The following CT55 variants were observed in gnomAD, a reference collection of about 807,000 sequenced individuals.
The protein encoded by CT55 is BRCA2-interacting protein.
CT55 carries 1 observed loss-of-function variant against 12.6 expected under a neutral mutation model. The observed-to-expected ratio is 0.08, with a 90% CI of 0.03 to 0.38. The LOEUF is 0.38. CT55 is among the 10% of genes least tolerant of loss of function. CT55 has a pLI of 0.99. For synonymous variants in CT55, 43 were observed against 49.7 expected (o/e 0.87, Z 0.57); for missense variants, 109 against 135.4 (o/e 0.80, Z 0.97).
intron 1 of CT55, 28 bp downstream of exon 1, chrX:135,171,050 G>A: frequency 1.7e-6 from 2 of 1,206,259 alleles, no homozygotes; most frequent in Non-Finnish European, 2.2e-6. Context: ...TTCTGGGGTG[G>A]GGGACAAGGG....
At chrX:135,166,040 A>G (rs1310395560) in intron 2 of CT55, among the ~76,000 whole-genome samples, 20 of 34,881 alleles carry the variant, frequency 5.7e-4, no homozygotes, top group African/African-American at 2.2e-3. Flanking sequence ...CTATTCCAAA[A>G]AAAAAAAAAA....
chrX:135,166,883 A>G lies in CT55; in HGVS notation c.279+2711T>C, dbSNP rs782195153. 6.2e-5 allele frequency among the ~76,000 whole-genome samples: 7 copies of G among 112,090 alleles called. No individual in the cohort carries two copies. In the East Asian group the frequency reaches 1.9e-3, roughly 31 times the overall value. On this transcript the variant is annotated intron_variant, in intron 2 of 5. Coordinates refer to ENST00000276241, the MANE Select transcript of CT55 (RefSeq NM_001031705.3). ...TTCAAAAAAATTAAAATAGGAATAA[A>G]TTTAACCAAGGAGGTGAAGGATTGC...
chrX:135,159,658 GACTGA>G (rs2083553954), intron 3 of CT55, among the ~76,000 whole-genome samples: 1 of 111,091 alleles, frequency 9.0e-6, no homozygotes, highest in African/African-American at 3.3e-5. Context: ...ACGTTTTCCT[GACTGA>G]TTTCCTGACT....
intron 2 of CT55, among the ~76,000 whole-genome samples, chrX:135,168,848 T>G (rs2083598181): frequency 8.9e-6 from 1 of 112,192 alleles, no homozygotes; most frequent in Non-Finnish European, 1.9e-5. Context: ...CAAATCTAAT[T>G]TTCCTACCAT....
upstream of CT55, among the ~76,000 whole-genome samples, chrX:135,171,772 G>A (rs1347706476): frequency 8.9e-6 from 1 of 111,857 alleles, no homozygotes; most frequent in Non-Finnish European, 1.9e-5. Context: ...AGGGCATCAT[G>A]TGGGTAGGCA....
In CT55 at chrX:135,171,187, C is replaced by G; in HGVS notation, c.-16G>C. The stretch of plus-strand genomic sequence containing the variant: ...GCCTGAGCATCGTCCCAGTTGTCAC[C>G]ACCGGCCTGGGCACCGCTTGTGGCA... On this transcript the variant is annotated 5_prime_UTR_variant, in exon 1 of 6. Transcript: ENST00000276241. 1 of 1,210,850 alleles carries G rather than the reference C, an allele frequency of 8.3e-7. No homozygotes were observed. The highest frequency in any genetic ancestry group is 1.1e-6 in the Non-Finnish European group (1 of 894,938).
intron 2 of CT55, among the ~76,000 whole-genome samples, chrX:135,162,184 G>A (rs2083565656): frequency 8.9e-6 from 1 of 112,731 alleles, no homozygotes; most frequent in Non-Finnish European, 1.9e-5. Flanking sequence ...AACAAGATGT[G>A]GATCCTTCTC....
Position 135,160,573 on chromosome X carries a change from G to C in CT55, c.280-18C>G, listed in dbSNP as rs1231571170. The stretch of plus-strand genomic sequence containing the variant: ...ACATCCACCTGTAAGATTTAGGAAA[G>C]AGTTTACTTCAAAAACAATACAAAT... On this transcript the variant is annotated intron_variant, in intron 2 of 5. Coordinates refer to ENST00000276241, the MANE Select transcript of CT55 (RefSeq NM_001031705.3). The C allele has an allele frequency of 8.5e-7, 1 of 1,173,612 alleles. No homozygotes were observed. Among genetic ancestry groups the C allele is most frequent in the Non-Finnish European group, 1.1e-6 (1 of 883,268 alleles).
chrX:135,164,151 A>G (rs1469117649), intron 2 of CT55, among the ~76,000 whole-genome samples: 1 of 112,266 alleles, frequency 8.9e-6, no homozygotes, highest in African/African-American at 3.2e-5. Flanking sequence ...ATACTCTAAT[A>G]AGGTAATGGT....
intron 1 of CT55, among the ~76,000 whole-genome samples, chrX:135,170,355 G>A (rs2083605682): frequency 8.9e-6 from 1 of 112,229 alleles, no homozygotes; most frequent in African/African-American, 3.2e-5. Flanking sequence ...AGCTCTGAGT[G>A]CCTTGCACAA....
rs782282668 is a variant in CT55 at position 135,166,050 on chromosome X, A to C, written c.279+3544T>G. ...TAAACCTATTCCAAAAAAAAAAAAA[A>C]AAAAAAAAAAAAAACGGACAAGAGA... On this transcript the variant is annotated intron_variant, in intron 2 of 5. Transcript: ENST00000276241. 2.5e-4 allele frequency among the ~76,000 whole-genome samples: 26 copies of C among 104,576 alleles called. No individual in the cohort carries two copies. In the East Asian group the frequency reaches 6.5e-3, roughly 26 times the overall value. The allele number at this position is 104,576 out of a possible 115,157, so 90.8% of individuals were successfully genotyped here. A position where few individuals can be genotyped will look rare whatever the true frequency, so the allele number is the denominator to read the frequency against.
intron 3 of CT55, among the ~76,000 whole-genome samples, chrX:135,159,440 CA>C (rs1247725859): frequency 9.0e-6 from 1 of 111,397 alleles, no homozygotes; most frequent in Non-Finnish European, 1.9e-5. Context: ...GTCTACATCA[CA>C]AACTGGCAAC....
intron 1 of CT55, 29 bp downstream of exon 1, chrX:135,171,049 G>A (rs1556406728): frequency 2.5e-6 from 3 of 1,206,255 alleles, no homozygotes; most frequent in Admixed American, 4.4e-5. Context: ...CTTCTGGGGT[G>A]GGGGACAAGG....
chrX:135,159,534 A>G (rs1173098146), intron 3 of CT55, among the ~76,000 whole-genome samples: 1 of 111,068 alleles, frequency 9.0e-6, no homozygotes, highest in African/African-American at 3.3e-5. Flanking sequence ...CTAATCCATT[A>G]CCTCCTGGGT....
intron 2 of CT55, among the ~76,000 whole-genome samples, chrX:135,163,105 A>G (rs2083569277): frequency 8.9e-6 from 1 of 112,115 alleles, no homozygotes; most frequent in African/African-American, 3.2e-5. Flanking sequence ...TAAAAGCTAG[A>G]CTGCAAAGAC....
intron 2 of CT55, among the ~76,000 whole-genome samples, chrX:135,161,300 C>G (rs1556405139): frequency 9.0e-6 from 1 of 111,586 alleles, no homozygotes; most frequent in African/African-American, 3.3e-5. Context: ...GCTTGTTATA[C>G]TAAAAGTAGG....
chrX:135,161,785 A>T (rs1429008786), intron 2 of CT55, among the ~76,000 whole-genome samples: 11 of 112,510 alleles, frequency 9.8e-5, no homozygotes, highest in African/African-American at 3.2e-4. Flanking sequence ...TCTCATTTCT[A>T]AACTGGTGTC....
chrX:135,160,403 A>C lies in CT55; in HGVS notation c.424+8T>G, dbSNP rs1556404966. On this transcript the variant is annotated splice_region_variant and intron_variant, in intron 3 of 5. Coordinates refer to ENST00000276241, the MANE Select transcript of CT55 (RefSeq NM_001031705.3). ...ATTACATCATATATTTCAAAATATA[A>C]ATCATACCTTCAGAAACAATGGCTA... 8.7e-7 allele frequency: 1 copy of C among 1,150,328 alleles called. No individual in the cohort carries two copies. The highest frequency in any genetic ancestry group is 1.2e-6 in the Non-Finnish European group (1 of 863,553). The allele number at this position is 1,150,328 out of a possible 1,213,427, so 94.8% of individuals were successfully genotyped here.
intron 2 of CT55, among the ~76,000 whole-genome samples, chrX:135,167,439 T>C (rs2083590901): frequency 8.9e-6 from 1 of 111,840 alleles, no homozygotes; most frequent in South Asian, 3.7e-4. Context: ...AGCGTGTATA[T>C]AAATCAACTC....
Sources: gnomAD v4.1 joint callset for allele counts (sites outside exome capture counted in the v4.1 genomes callset) on GRCh38, gnomAD v4.1.1 for gene constraint, MANE v1.5 for transcripts, NCBI Gene and HGNC (gene_info 2026-07-23, HGNC 2026-07-21) for gene names.